Variants in HS2ST1 observed in about 807,000 individuals in gnomAD.
The protein encoded by HS2ST1 is 2-O-sulfotransferase.
In HS2ST1, 18 loss-of-function variants were observed where a neutral mutation model predicts 42.9. The observed-to-expected ratio is 0.42, with a 90% CI of 0.29 to 0.62. The LOEUF is 0.62. HS2ST1 is among the 20% of genes least tolerant of loss of function. The pLI is 0.21. For synonymous variants in HS2ST1, 146 were observed against 152.9 expected, an observed-to-expected ratio of 0.95 and a Z score of 0.33; for missense variants, 334 against 433.8, an observed-to-expected ratio of 0.77 and a Z score of 2.04.
intron 1 of HS2ST1, among the ~76,000 whole-genome samples, chr1:86,997,302 C>T (rs560896975): frequency 6.6e-6 from 1 of 152,178 alleles, no homozygotes; most frequent in African/African-American, 2.4e-5. Flanking sequence ...CTACCCAGGC[C>T]CAGGGCAGGA....
At chr1:87,064,379 A>C (rs190084089) in intron 1 of HS2ST1, 1 of 453,484 alleles carries the variant, frequency 2.2e-6, no homozygotes, top group African/African-American at 2.0e-5. Context: ...CATTTGTTTC[A>C]TGTATTGTGT....
At chr1:86,987,522 G>A (rs1381204461) in intron 1 of HS2ST1, among the ~76,000 whole-genome samples, 2 of 152,156 alleles carry the variant, frequency 1.3e-5, no homozygotes. Context: ...TCAGCCTAAG[G>A]AGGTGATAAT....
chr1:87,039,392 C>T (rs551384420), intron 1 of HS2ST1, among the ~76,000 whole-genome samples: 18 of 152,178 alleles, frequency 1.2e-4, no homozygotes, highest in Non-Finnish European at 2.5e-4. Flanking sequence ...TCCTGATGTG[C>T]CTCTGCTTAT....
chr1:87,009,992 G>T (rs1288430129), intron 1 of HS2ST1, among the ~76,000 whole-genome samples: 1 of 151,602 alleles, frequency 6.6e-6, no homozygotes, highest in Non-Finnish European at 1.5e-5. Flanking sequence ...CCAAGATCAC[G>T]CCACTGCACT....
chr1:86,919,546 A>G (rs975836768), intron 1 of HS2ST1, among the ~76,000 whole-genome samples: 5 of 152,148 alleles, frequency 3.3e-5, no homozygotes, highest in African/African-American at 7.2e-5. Context: ...TTTTAATCAC[A>G]TACTAAGTTT....
intron 1 of HS2ST1, among the ~76,000 whole-genome samples, chr1:87,049,057 A>C (rs928556962): frequency 6.6e-6 from 1 of 151,958 alleles, no homozygotes; most frequent in Non-Finnish European, 1.5e-5. Context: ...ATCTGTGAGA[A>C]AGATTTGTTT....
intron 4 of HS2ST1, among the ~76,000 whole-genome samples, chr1:87,095,111 AAATAACT>A (rs1652030877): frequency 6.6e-6 from 1 of 152,126 alleles, no homozygotes; most frequent in African/African-American, 2.4e-5. Flanking sequence ...TGTTTATTGC[AAATAACT>A]CCTTAATATC....
chr1:87,103,961 A>G (rs567729395), intron 6 of HS2ST1, among the ~76,000 whole-genome samples: 1 of 152,286 alleles, frequency 6.6e-6, no homozygotes, highest in South Asian at 2.1e-4. Context: ...CAGCCGTATT[A>G]TCATGTGTCT....
chr1:86,962,504 GA>G (rs562160550), intron 1 of HS2ST1, among the ~76,000 whole-genome samples: 30 of 152,140 alleles, frequency 2.0e-4, no homozygotes, highest in Non-Finnish European at 3.8e-4. Flanking sequence ...GCACATTTTA[GA>G]GCTTCATTGT....
chr1:87,015,409 G>T (rs546827070), intron 1 of HS2ST1, among the ~76,000 whole-genome samples: 1 of 147,056 alleles, frequency 6.8e-6, no homozygotes, highest in Admixed American at 7.0e-5. Context: ...ATGCGGTGGC[G>T]CAATCTCGGC....
chr1:87,049,520 T>C (rs1212771793), intron 1 of HS2ST1, among the ~76,000 whole-genome samples: 1 of 152,094 alleles, frequency 6.6e-6, no homozygotes, highest in Non-Finnish European at 1.5e-5. Flanking sequence ...GTTTTTTTCT[T>C]TGTCCTGTGG....
At chr1:86,933,195 C>T (rs554984473) in intron 1 of HS2ST1, among the ~76,000 whole-genome samples, 14 of 152,056 alleles carry the variant, frequency 9.2e-5, no homozygotes, top group Non-Finnish European at 1.9e-4. Flanking sequence ...GTTCTTTGAG[C>T]TTCATGGATC....
chr1:87,077,427 C>T (rs1352223070), intron 2 of HS2ST1, among the ~76,000 whole-genome samples: 1 of 152,200 alleles, frequency 6.6e-6, no homozygotes, highest in Non-Finnish European at 1.5e-5. Context: ...ATGCACTTCT[C>T]CTGGCTTCTT....
intron 2 of HS2ST1, among the ~76,000 whole-genome samples, chr1:87,083,932 C>CT (rs1416622576): frequency 3.3e-5 from 5 of 152,256 alleles, no homozygotes; most frequent in African/African-American, 1.2e-4. Context: ...TGTACTCACT[C>CT]TACAGCATTG....
chr1:87,045,697 G>A, intron 1 of HS2ST1: 2 of 795,024 alleles, frequency 2.5e-6, no homozygotes, highest in Non-Finnish European at 4.6e-6. Flanking sequence ...GCAATAGCAG[G>A]AATAATATTC....
intron 1 of HS2ST1, among the ~76,000 whole-genome samples, chr1:86,981,693 G>C (rs749230662): frequency 6.6e-6 from 1 of 152,256 alleles, no homozygotes; most frequent in Non-Finnish European, 1.5e-5. Context: ...CCACGGCCTT[G>C]GGCACTCTGC....
At chr1:86,963,109 A>G (rs189221234) in intron 1 of HS2ST1, among the ~76,000 whole-genome samples, 2 of 152,094 alleles carry the variant, frequency 1.3e-5, no homozygotes, top group Admixed American at 1.3e-4. Flanking sequence ...ATTTTTTTTC[A>G]TATTTTTCTG....
chr1:86,926,518 C>T (rs1007515638), intron 1 of HS2ST1, among the ~76,000 whole-genome samples: 7 of 152,210 alleles, frequency 4.6e-5, no homozygotes, highest in African/African-American at 1.4e-4. Context: ...AATCCTCATA[C>T]TATGCTGATT....
chr1:87,006,978 T>A (rs908370901), intron 1 of HS2ST1, among the ~76,000 whole-genome samples: 1 of 152,076 alleles, frequency 6.6e-6, no homozygotes, highest in African/African-American at 2.4e-5. Context: ...AGCAGTCTTA[T>A]AAAAGAGAAG....
Sources: gnomAD v4.1 joint callset for allele counts (sites outside exome capture counted in the v4.1 genomes callset) on GRCh38, gnomAD v4.1.1 for gene constraint, MANE v1.5 for transcripts, NCBI Gene and HGNC (gene_info 2026-07-23, HGNC 2026-07-21) for gene names.